MTUS2: variants seen among roughly 807,000 people sequenced by gnomAD.
MTUS2 encodes microtubule-associated tumor suppressor candidate 2.
In MTUS2, 40 loss-of-function variants were observed where a neutral mutation model predicts 114.1. The ratio of observed to expected loss-of-function variants is 0.35; its 90% CI spans 0.27 to 0.46. MTUS2 has a LOEUF of 0.46. Ranked by LOEUF, MTUS2 falls within the 20% of genes least tolerant of loss-of-function variation. The pLI is 1.00. For synonymous variants in MTUS2, 688 were observed against 672.0 expected (o/e 1.02, Z -0.37); for missense variants, 1,679 against 1,705.4 (o/e 0.98, Z 0.27).
At chr13:29,066,899 G>C (rs982052824) in intron 4 of MTUS2, among the ~76,000 whole-genome samples, 11 of 152,244 alleles carry the variant, frequency 7.2e-5, no homozygotes, top group Non-Finnish European at 1.6e-4. Context: ...AAGCCAAGTT[G>C]TGTTGGATTT....
chr13:29,093,634 A>C (rs1890056597), intron 4 of MTUS2, among the ~76,000 whole-genome samples: 1 of 152,180 alleles, frequency 6.6e-6, no homozygotes, highest in African/African-American at 2.4e-5. Context: ...AAACTCATTT[A>C]TTAGTTATAA....
At position 29,265,388 on chromosome 13, in the gene MTUS2, C is replaced by T. The variant is rs564961870; in HGVS notation, c.2645-16316C>T. On this transcript the variant is annotated intron_variant, in intron 5 of 15. Coordinates refer to ENST00000612955, the MANE Select transcript of MTUS2 (RefSeq NM_001033602.4). ...CTCTAAGAAATTACAAACTTTCCCT[C>T]GTCTTCCAGTCTTCTTCTGAGCCTT... 6.6e-5 allele frequency among the ~76,000 whole-genome samples: 10 copies of T among 152,322 alleles called. No homozygotes were observed. In the East Asian group the frequency reaches 9.6e-4, roughly 15 times the overall value.
chr13:29,451,009 C>T (rs748879492), intron 9 of MTUS2, among the ~76,000 whole-genome samples: 19 of 152,160 alleles, frequency 1.2e-4, no homozygotes, highest in Non-Finnish European at 1.0e-4. Flanking sequence ...GACTCCAGTA[C>T]TCCACTCTGA....
chr13:29,045,172 A>T (rs1203056072), intron 4 of MTUS2, among the ~76,000 whole-genome samples: 1 of 152,152 alleles, frequency 6.6e-6, no homozygotes, highest in African/African-American at 2.4e-5. Context: ...ATGGTATCTC[A>T]TGATGTTCCT....
chr13:29,008,709 G>A (rs188700234), intron 2 of MTUS2, among the ~76,000 whole-genome samples: 295 of 152,322 alleles, frequency 1.9e-3, no homozygotes, highest in Admixed American at 3.0e-3. Context: ...TCCGTTGCCA[G>A]TGTGATTCCT....
intron 6 of MTUS2, among the ~76,000 whole-genome samples, chr13:29,318,325 G>C (rs1016349237): frequency 3.9e-5 from 5 of 128,662 alleles, no homozygotes; most frequent in Non-Finnish European, 8.2e-5. Flanking sequence ...CTTAAATCTT[G>C]TTTTCCCATT....
At chr13:28,852,758 C>T (rs757757162) in intron 2 of MTUS2, among the ~76,000 whole-genome samples, 3 of 151,854 alleles carry the variant, frequency 2.0e-5, no homozygotes, top group African/African-American at 4.8e-5. Flanking sequence ...CCAGCTACTC[C>T]GGAGGCTGAG....
chr13:29,336,962 C>G (rs2138090381), intron 7 of MTUS2, among the ~76,000 whole-genome samples: 2 of 152,316 alleles, frequency 1.3e-5, no homozygotes, highest in East Asian at 3.9e-4. Flanking sequence ...ACCACCTACT[C>G]AAGCCTCAGT....
rs575490457 is a variant in MTUS2, at chr13:29,106,689, A to G, written c.2644+5719A>G. On this transcript the variant is annotated intron_variant, in intron 5 of 15. Coordinates refer to ENST00000612955, the MANE Select transcript of MTUS2 (RefSeq NM_001033602.4). ...CTGCTTTTTGCCTTCTTTTCTGTTC[A>G]CTCATCATTTCTGGTGAATTCTTTC... 1.3e-4 allele frequency among the ~76,000 whole-genome samples: 20 copies of G among 151,948 alleles called. No homozygotes were observed. The South Asian group carries it at 3.9e-3, about 30-fold the overall frequency.
chr13:29,195,005 AAACACCACAT>A, intron 5 of MTUS2, among the ~76,000 whole-genome samples: 1 of 149,990 alleles, frequency 6.7e-6, no homozygotes, highest in Non-Finnish European at 1.5e-5. Context: ...ACAAAAAACC[AAACACCACAT>A]ATTCTCACTC....
intron 2 of MTUS2, among the ~76,000 whole-genome samples, chr13:28,940,646 T>A (rs327123): frequency 0.82 from 119,653 of 145,142 alleles, 47,757 homozygotes; most frequent in Non-Finnish European, 0.87. Flanking sequence ...ATTCGAATAT[T>A]AAAAAAAACA....
intron 2 of MTUS2, among the ~76,000 whole-genome samples, chr13:28,939,222 T>G (rs1162284703): frequency 2.0e-5 from 3 of 152,218 alleles, no homozygotes; most frequent in African/African-American, 7.2e-5. Flanking sequence ...TGCTCTTCCT[T>G]GTATTGAAAC....
intron 5 of MTUS2, among the ~76,000 whole-genome samples, chr13:29,131,100 A>G (rs1331329385): frequency 6.6e-6 from 1 of 152,152 alleles, no homozygotes; most frequent in Non-Finnish European, 1.5e-5. Flanking sequence ...CAATGGGTCA[A>G]TTTTTCCACT....
rs1226035227 is a variant in MTUS2, at chr13:29,452,568, A to ATG, written c.3184+12520_3184+12521insGT. On this transcript the variant is annotated intron_variant, in intron 9 of 15. Coordinates refer to ENST00000612955, the MANE Select transcript of MTUS2 (RefSeq NM_001033602.4). ...ACTACACCCAACTGTGTATATATATATATATATGTGTGTGTGTGTGTGTGT... is the reference window on the plus strand; with the variant it reads ...ACTACACCCAACTGTGTATATATATATGTATATATGTGTGTGTGTGTGTGTGT... Among the ~76,000 whole-genome samples, 388 of 82,542 alleles carry ATG rather than the reference A, an allele frequency of 4.7e-3. 4 individuals are homozygous for ATG. Among genetic ancestry groups the ATG allele is most frequent in the South Asian group, 0.012 (22 of 1,816 alleles). The allele number at this position is 82,542 out of a possible 152,430, so 54.2% of individuals were successfully genotyped here.
chr13:29,114,182 GTCCC>G, intron 5 of MTUS2, among the ~76,000 whole-genome samples: 1 of 151,752 alleles, frequency 6.6e-6, no homozygotes, highest in Admixed American at 6.6e-5. Context: ...AAATTACCCA[GTCCC>G]AGGTACTTCT....
chr13:29,088,692 C>T (rs184760074), intron 4 of MTUS2, among the ~76,000 whole-genome samples: 49 of 152,228 alleles, frequency 3.2e-4, no homozygotes, highest in Non-Finnish European at 4.6e-4. Context: ...TTGTATTGAA[C>T]CCTTTATGAT....
chr13:29,068,572 C>T (rs1565990790), intron 4 of MTUS2, among the ~76,000 whole-genome samples: 1 of 152,160 alleles, frequency 6.6e-6, no homozygotes, highest in Non-Finnish European at 1.5e-5. Flanking sequence ...AATTATGATA[C>T]CATGTAATTG....
intron 5 of MTUS2, among the ~76,000 whole-genome samples, chr13:29,225,040 T>A (rs1896051031): frequency 6.6e-6 from 1 of 152,224 alleles, no homozygotes; most frequent in Admixed American, 6.5e-5. Flanking sequence ...TCCCAGAAGC[T>A]GGGGCCCAGG....
chr13:29,212,250 C>A (rs1895472409), intron 5 of MTUS2, among the ~76,000 whole-genome samples: 1 of 152,072 alleles, frequency 6.6e-6, no homozygotes, highest in Non-Finnish European at 1.5e-5. Flanking sequence ...AGGGACCTCT[C>A]AGGGATCTTT....
Sources: gnomAD v4.1 joint callset for allele counts (sites outside exome capture counted in the v4.1 genomes callset) on GRCh38, gnomAD v4.1.1 for gene constraint, MANE v1.5 for transcripts, NCBI Gene and HGNC (gene_info 2026-07-23, HGNC 2026-07-21) for gene names.